The following CCDC71 variants were observed in gnomAD, a reference collection of about 807,000 sequenced individuals.
The protein encoded by CCDC71 is coiled-coil domain containing 71.
For missense variants in CCDC71, 594 were observed against 604.0 expected, an observed-to-expected ratio of 0.98 and a Z score of 0.17; for synonymous variants, 257 against 242.2, an observed-to-expected ratio of 1.06 and a Z score of -0.57.
At position 49,162,686 on chromosome 3, in the gene CCDC71, G is replaced by A; in HGVS notation, c.*119C>T. The A allele has an allele frequency of 3.2e-6, 3 of 932,890 alleles. No individual in the cohort carries two copies. The highest frequency in any genetic ancestry group is 3.0e-5 in the East Asian group (1 of 32,872). The allele number at this position is 932,890 out of a possible 1,614,324, so 57.8% of individuals were successfully genotyped here. A position where few individuals can be genotyped will look rare whatever the true frequency, so the allele number is the denominator to read the frequency against. On this transcript the variant is annotated 3_prime_UTR_variant, in exon 2 of 2. Coordinates refer to ENST00000321895, the MANE Select transcript of CCDC71 (RefSeq NM_022903.4). ...TCTGAAAGGAGGCTGGTGGTCACCA[G>A]GGCCCTAGAGAGGCACCGGGAGTCC...
chr3:49,164,941 T>C lies in CCDC71; in HGVS notation c.-52-681A>G, dbSNP rs577738709. On this transcript the variant is annotated intron_variant, in intron 1 of 1. Coordinates refer to ENST00000321895, the MANE Select transcript of CCDC71 (RefSeq NM_022903.4). ...GGCCCAGACTTACACCCACTGTCCATGCCCATCTGTTTCTCCAGCTGCTGC... is the reference window on the plus strand; with the variant it reads ...GGCCCAGACTTACACCCACTGTCCACGCCCATCTGTTTCTCCAGCTGCTGC... Among the ~76,000 whole-genome samples, 427 of 152,326 alleles carry C rather than the reference T, an allele frequency of 2.8e-3. 6 individuals carry two copies. The Middle Eastern group carries it at 0.037, about 13-fold the overall frequency.
chr3:49,163,401 T>C lies in CCDC71; in HGVS notation c.808A>G (p.Met270Val). The part of the protein sequence containing the change: ...RATGSPSVRR[M>V]KGGSALGTKT... ...GTGCCCAGGGCAGAGCCCCCTTTCA[T>C]TCGCCGGACACTGGGGGACCCAGTG... Residue 270 changes from methionine to valine, a missense_variant, in exon 2 of 2, where the codon ATG becomes GTG. By Grantham distance (21) the Met-to-Val change is conservative (BLOSUM62 1). Coordinates refer to ENST00000321895, the MANE Select transcript of CCDC71 (RefSeq NM_022903.4). 1 of 1,614,102 alleles carries C rather than the reference T, an allele frequency of 6.2e-7. No individual in the cohort carries two copies. The highest frequency in any genetic ancestry group is 8.5e-7 in the Non-Finnish European group (1 of 1,180,014).
rs1559422281 is a variant in CCDC71 at position 49,166,253 on chromosome 3, C to A, written c.-53+14G>T. ...CCCCTCCGCGGCGCGGCTAGGCCCG[C>A]GGCTCCAACCTACCGGCGCCGCCGC... On this transcript the variant is annotated intron_variant, in intron 1 of 1. Coordinates refer to ENST00000321895, the MANE Select transcript of CCDC71 (RefSeq NM_022903.4). This position sits in a 1 kb window ranked among gnomAD's most constrained non-coding sequence, Gnocchi z 4.0. The A allele has an allele frequency of 6.6e-6, 1 of 151,958 alleles. No individual in the cohort carries two copies. The highest frequency in any genetic ancestry group is 1.5e-5 in the Non-Finnish European group (1 of 67,962). 9.4% of individuals were successfully genotyped at this position (151,958 alleles called of 1,614,324 possible).
rs745875339 is a variant in CCDC71 at position 49,163,420 on chromosome 3, C to G, written c.789G>C (p.Gly263=). The part of the protein sequence containing the change: ...GHQSKTNRAT[G]SPSVRRMKGG... The stretch of plus-strand genomic sequence containing the variant: ...CTTTCATTCGCCGGACACTGGGGGA[C>G]CCAGTGGCTCTGTTGGTTTTGCTCT... The change falls in exon 2 of 2, where the codon GGG becomes GGC. Residue 263 remains glycine (G), a synonymous_variant. Transcript: ENST00000321895. The G allele has an allele frequency of 1.3e-5, 21 of 1,614,080 alleles. No homozygotes were observed. Among genetic ancestry groups the G allele is most frequent in the Admixed American group, 1.7e-5 (1 of 60,018 alleles).
rs1274883223 is a variant in CCDC71 at position 49,162,899 on chromosome 3, T to A, written c.1310A>T (p.Asp437Val). 2 of 1,614,250 alleles carry A rather than the reference T, an allele frequency of 1.2e-6. No individual in the cohort carries two copies. Among genetic ancestry groups the A allele is most frequent in the Non-Finnish European group, 8.5e-7 (1 of 1,180,048 alleles). ...RAIKVDRRSS[D>V]DEVRQRAQRI... ...CTGAGCCCGCTGCCGCACCTCATCA[T>A]CCGAGGACCGCCTATCTACCTTTAT... The change falls in exon 2 of 2, where the codon GAT (aspartate) becomes GTT (valine). Residue 437 changes from aspartate (D) to valine (V), a missense_variant. Asp to Val is a radical substitution (Grantham distance 152). Transcript: ENST00000321895.
chr3:49,163,850 G>T lies in CCDC71; in HGVS notation c.359C>A (p.Pro120Gln), dbSNP rs763118691. Residue 120 changes from proline to glutamine, a missense_variant, in exon 2 of 2, where the codon CCG (proline) becomes CAG (glutamine). By Grantham distance (76) the Pro-to-Gln change is moderately conservative. Coordinates refer to ENST00000321895, the MANE Select transcript of CCDC71 (RefSeq NM_022903.4). ...TGCTTTGGCCAGTCTGCCAGATAGC[G>T]GCATGGGAAGCAGTGTGGCCCGACC... ...PAGRATLLPM[P>Q]LSGRLAKAST... 2 of 1,614,202 alleles carry T rather than the reference G, an allele frequency of 1.2e-6. No individual in the cohort carries two copies. Among genetic ancestry groups the T allele is most frequent in the East Asian group, 4.5e-5 (2 of 44,884 alleles).
rs1321247002 is a variant in CCDC71, at chr3:49,163,282, G to T, written c.927C>A (p.Ala309=). The part of the protein sequence containing the change: ...VARTQAKAAK[A]RAKAKAAQVK... Reference sequence around the variant, plus strand: ...CCTGTGCTGCCTTGGCCTTGGCCCGGGCCTTAGCAGCCTTGGCCTGTGTTC... The same window carrying T: ...CCTGTGCTGCCTTGGCCTTGGCCCGTGCCTTAGCAGCCTTGGCCTGTGTTC... Residue 309 remains alanine (A), a synonymous_variant, in exon 2 of 2, where the codon GCC becomes GCA. Coordinates refer to ENST00000321895, the MANE Select transcript of CCDC71 (RefSeq NM_022903.4). 6.9e-6 allele frequency: 11 copies of T among 1,590,068 alleles called. No homozygotes were observed. The highest frequency in any genetic ancestry group is 8.6e-6 in the Non-Finnish European group (10 of 1,161,092).
In CCDC71 at chr3:49,163,312, C is replaced by T. The variant is rs2045703546; in HGVS notation, c.897G>A (p.Val299=). The stretch of plus-strand genomic sequence containing the variant: ...TAGCAGCCTTGGCCTGTGTTCGAGC[C>T]ACCTTGGCTTGGGCACGAGCAGCTT... ...LAKAARAQAK[V]ARTQAKAAKA... is the part of the protein sequence containing the mutation. Residue 299 remains valine (V), a synonymous_variant, in exon 2 of 2, where the codon GTG becomes GTA. Transcript: ENST00000321895. 1 of 1,613,954 alleles carries T rather than the reference C, an allele frequency of 6.2e-7. No homozygotes were observed. The highest frequency in any genetic ancestry group is 1.3e-5 in the African/African-American group (1 of 75,078).
chr3:49,162,819 A>G lies in CCDC71; in HGVS notation c.1390T>C (p.Tyr464His). ...PVIRLQPLLPYSAV is the reference protein window; with the variant it reads ...PVIRLQPLLPHSAV The stretch of plus-strand genomic sequence containing the variant: ...GTGTGAAGGAATCAGACTGCTGAAT[A>G]TGGCAGCAATGGCTGGAGCCGTATT... Residue 464 changes from tyrosine to histidine, a missense_variant, in exon 2 of 2, where the codon TAT becomes CAT. Tyr to His is a moderately conservative substitution (Grantham distance 83, BLOSUM62 2). Transcript: ENST00000321895. 3.7e-6 allele frequency: 6 copies of G among 1,612,980 alleles called. No individual in the cohort carries two copies. Among genetic ancestry groups the G allele is most frequent in the Non-Finnish European group, 5.1e-6 (6 of 1,179,646 alleles).
chr3:49,163,473 C>G lies in CCDC71; in HGVS notation c.736G>C (p.Ala246Pro), dbSNP rs768141357. The G allele has an allele frequency of 2.7e-5, 43 of 1,614,148 alleles. No homozygotes were observed. The African/African-American group carries it at 5.1e-4, about 19-fold the overall frequency. Residue 246 changes from alanine (A) to proline (P), a missense_variant, in exon 2 of 2, where the codon GCT (alanine) becomes CCT (proline). Transcript: ENST00000321895. The part of the protein sequence containing the change: ...PKCLTRKGPG[A>P]GPRRGSGHQS... Reference sequence around the variant, plus strand: ...TGCCCAGAGCCTCGTCGGGGTCCAGCCCCAGGGCCTTTGCGAGTCAGACAC... The same window carrying G: ...TGCCCAGAGCCTCGTCGGGGTCCAGGCCCAGGGCCTTTGCGAGTCAGACAC...
chr3:49,162,673 CTGG>C lies in CCDC71; in HGVS notation c.*129_*131del, dbSNP rs1213806775. The C allele has an allele frequency of 2.1e-5, 9 of 432,162 alleles. No individual in the cohort carries two copies. The highest frequency in any genetic ancestry group is 2.7e-5 in the Non-Finnish European group (8 of 294,410). 26.8% of individuals were successfully genotyped at this position (432,162 alleles called of 1,614,324 possible). On this transcript the variant is annotated 3_prime_UTR_variant, in exon 2 of 2. Coordinates refer to ENST00000321895, the MANE Select transcript of CCDC71 (RefSeq NM_022903.4). ...ACCCACTCTGGTTTCTGAAAGGAGG[CTGG>C]TGGTCACCAGGGCCCTAGAGAGGCA...
At position 49,162,692 on chromosome 3, in the gene CCDC71, T is replaced by G. The variant is rs1223219753; in HGVS notation, c.*113A>C. 1.1e-6 allele frequency: 1 copy of G among 891,726 alleles called. No homozygotes were observed. Among genetic ancestry groups the G allele is most frequent in the Admixed American group, 3.4e-5 (1 of 28,990 alleles). The allele number at this position is 891,726 out of a possible 1,614,324, so 55.2% of individuals were successfully genotyped here. A position where few individuals can be genotyped will look rare whatever the true frequency, so the allele number is the denominator to read the frequency against. ...AGGAGGCTGGTGGTCACCAGGGCCC[T>G]AGAGAGGCACCGGGAGTCCTCAAGA... On this transcript the variant is annotated 3_prime_UTR_variant, in exon 2 of 2. Coordinates refer to ENST00000321895, the MANE Select transcript of CCDC71 (RefSeq NM_022903.4).
In CCDC71 at chr3:49,164,006, C is replaced by A. The variant is rs763939377; in HGVS notation, c.203G>T (p.Gly68Val). 1 of 1,614,134 alleles carries A rather than the reference C, an allele frequency of 6.2e-7. No homozygotes were observed. Among genetic ancestry groups the A allele is most frequent in the Non-Finnish European group, 8.5e-7 (1 of 1,180,016 alleles). Reference sequence around the variant, plus strand: ...GCATGAACTATAGCCATAGACATCACCACTGCGCAGGATGGTAGGTTGGAA... The same window carrying A: ...GCATGAACTATAGCCATAGACATCAACACTGCGCAGGATGGTAGGTTGGAA... ...DGFQPTILRSGDVYGYSSCTA... is the reference protein window; with the variant it reads ...DGFQPTILRSVDVYGYSSCTA... The change falls in exon 2 of 2, where the codon GGT becomes GTT. Residue 68 changes from glycine (G) to valine (V), a missense_variant. Physicochemically the swap from Gly to Val is moderately radical, Grantham distance 109. Coordinates refer to ENST00000321895, the MANE Select transcript of CCDC71 (RefSeq NM_022903.4).
Position 49,166,118 on chromosome 3 carries a change from C to G in CCDC71, c.-53+149G>C, listed in dbSNP as rs1436741026. ...GGACCGCACAGCCCCAGGGTGGGGT[C>G]GCTGGGCGCGGGGTGGGGGTGGGGT... On this transcript the variant is annotated intron_variant, in intron 1 of 1. Transcript: ENST00000321895. The surrounding 1 kb of genome is among the most constrained non-coding windows in gnomAD (Gnocchi z 4.0). 4.3e-5 allele frequency: 5 copies of G among 116,420 alleles called. No individual in the cohort carries two copies. The highest frequency in any genetic ancestry group is 2.7e-4 in the Admixed American group (3 of 11,320). 7.2% of individuals were successfully genotyped at this position (116,420 alleles called of 1,614,324 possible).
chr3:49,162,731 G>T lies in CCDC71; in HGVS notation c.*74C>A. ...GAGTCCTCAAGATTGTGGAGTCCAC[G>T]GACATAGCACACTGTGCCACTAGCC... On this transcript the variant is annotated 3_prime_UTR_variant, in exon 2 of 2. Transcript: ENST00000321895. 3 of 1,472,160 alleles carry T rather than the reference G, an allele frequency of 2.0e-6. No individual in the cohort carries two copies. The highest frequency in any genetic ancestry group is 2.8e-6 in the Non-Finnish European group (3 of 1,090,644). 91.2% of individuals were successfully genotyped at this position (1,472,160 alleles called of 1,614,324 possible).
chr3:49,162,622 C>CA lies in CCDC71; in HGVS notation c.*182_*183insT. On this transcript the variant is annotated 3_prime_UTR_variant, in exon 2 of 2. Coordinates refer to ENST00000321895, the MANE Select transcript of CCDC71 (RefSeq NM_022903.4). ...TGCATCGCGCCATGAAAACACCCCT[C>CA]CCGCCCACCCACCCCACCGTACCCC... 9 of 24,460 alleles carry CA rather than the reference C, an allele frequency of 3.7e-4. 2 individuals are homozygous for CA. Among genetic ancestry groups the CA allele is most frequent in the Admixed American group, 1.2e-3 (2 of 1,652 alleles). 1.5% of individuals were successfully genotyped at this position (24,460 alleles called of 1,614,324 possible).
chr3:49,163,225 C>T lies in CCDC71; in HGVS notation c.984G>A (p.Gln328=), dbSNP rs748211232. The T allele has an allele frequency of 4.5e-5, 71 of 1,572,112 alleles. No homozygotes were observed. Among genetic ancestry groups the T allele is most frequent in the Non-Finnish European group, 6.1e-5 (70 of 1,148,970 alleles). ...VKAKAKAKAA[Q]VKAKAKVMAA... ...CCATGACTTTGGCCTTGGCCTTGAC[C>T]TGTGCTGCCTTAGCTTTGGCCTTAG... is the stretch of plus-strand genomic sequence containing the variant. The change falls in exon 2 of 2, where the codon CAG becomes CAA. Residue 328 remains glutamine (Q), a synonymous_variant. Transcript: ENST00000321895.
chr3:49,163,308 G>T lies in CCDC71; in HGVS notation c.901C>A (p.Arg301=), dbSNP rs375985423. ...GCCTTAGCAGCCTTGGCCTGTGTTC[G>T]AGCCACCTTGGCTTGGGCACGAGCA... The part of the protein sequence containing the change: ...KAARAQAKVA[R]TQAKAAKARA... The change falls in exon 2 of 2, where the codon CGA becomes AGA. Residue 301 remains arginine (R), a synonymous_variant. Coordinates refer to ENST00000321895, the MANE Select transcript of CCDC71 (RefSeq NM_022903.4). The T allele has an allele frequency of 4.8e-4, 779 of 1,613,892 alleles. 10 individuals carry two copies. In the South Asian group the frequency reaches 8.3e-3, roughly 17 times the overall value.
chr3:49,163,271 G>A lies in CCDC71; in HGVS notation c.938C>T (p.Ala313Val). The change falls in exon 2 of 2, where the codon GCC becomes GTC. Residue 313 changes from alanine to valine, a missense_variant. Physicochemically the swap from Ala to Val is moderately conservative, Grantham distance 64. Coordinates refer to ENST00000321895, the MANE Select transcript of CCDC71 (RefSeq NM_022903.4). ...QAKAAKARAK[A>V]KAAQVKAKAK... ...CTTAGCCTTGACCTGTGCTGCCTTG[G>A]CCTTGGCCCGGGCCTTAGCAGCCTT... is the stretch of plus-strand genomic sequence containing the variant. 6.3e-7 allele frequency: 1 copy of A among 1,589,958 alleles called. No homozygotes were observed. The highest frequency in any genetic ancestry group is 8.6e-7 in the Non-Finnish European group (1 of 1,160,976).
Sources: allele counts gnomAD v4.1 joint callset (sites outside exome capture counted in the v4.1 genomes callset), GRCh38; gene constraint gnomAD v4.1.1; non-coding constraint Gnocchi (gnomAD v3.1); transcripts MANE v1.5; gene names NCBI Gene and HGNC (gene_info 2026-07-23, HGNC 2026-07-21).